PTPN3: variants seen among roughly 807,000 people sequenced by gnomAD.
PTPN3 encodes the protein tyrosine-protein phosphatase non-receptor type 3.
Under a neutral mutation model 132.7 loss-of-function variants are expected in PTPN3, and 96 were observed. The ratio of observed to expected loss-of-function variants is 0.72; its 90% CI spans 0.61 to 0.86. The LOEUF (loss-of-function observed/expected upper bound fraction) is 0.86, where lower values mean the gene tolerates loss of function less well. Among genes scored for constraint, PTPN3 ranks in the 40% least tolerant of loss-of-function variants. PTPN3 has a pLI of 0.00. For missense variants in PTPN3, 1,125 were observed against 1,159.6 expected (o/e 0.97, Z 0.43); for synonymous variants, 398 against 429.0 (o/e 0.93, Z 0.89).
chr9:109,487,084 G>C (rs1030027557), intron 1 of PTPN3, among the ~76,000 whole-genome samples: 2 of 152,182 alleles, frequency 1.3e-5, no homozygotes, highest in African/African-American at 2.4e-5. Flanking sequence ...GAGATGATCA[G>C]GCCGGAGACA....
Position 109,422,822 on chromosome 9 carries a change from C to T in PTPN3, c.1032G>A (p.Val344=). 1 of 1,613,412 alleles carries T rather than the reference C, an allele frequency of 6.2e-7. No homozygotes were observed. The highest frequency in any genetic ancestry group is 8.5e-7 in the Non-Finnish European group (1 of 1,179,360). The change falls in exon 13 of 26, where the codon GTG becomes GTA. Residue 344 remains valine, a synonymous_variant. Transcript: ENST00000374541. ...CTGGGTTCCACACCATCCCGCCAATCACCTTTTTGCAATATTGGTTATTTA... is the reference window on the plus strand; with the variant it reads ...CTGGGTTCCACACCATCCCGCCAATTACCTTTTTGCAATATTGGTTATTTA... ...KSVNNQYCKK[V]IGGMVWNPAM...
the PTPN3 span, among the ~76,000 whole-genome samples, chr9:109,512,730 T>C: frequency 6.6e-6 from 1 of 152,244 alleles, no homozygotes; most frequent in African/African-American, 2.4e-5. Context: ...AGGAGGTACC[T>C]TGTTCCTCCT....
At chr9:109,525,311 G>C in the PTPN3 span, among the ~76,000 whole-genome samples, 3 of 152,318 alleles carry the variant, frequency 2.0e-5, no homozygotes, top group Non-Finnish European at 4.4e-5. Context: ...TCCCACCTCA[G>C]TCTCCCAAAG....
intron 21 of PTPN3, among the ~76,000 whole-genome samples, chr9:109,390,871 T>C (rs571166356): frequency 3.3e-5 from 5 of 152,300 alleles, no homozygotes; most frequent in Non-Finnish European, 7.4e-5. Context: ...CAGGGGCATG[T>C]GGACGATTGA....
At position 109,448,819 on chromosome 9, in the gene PTPN3, G is replaced by A. The variant is rs778608168; in HGVS notation, c.405C>T (p.Cys135=). The A allele has an allele frequency of 5.1e-5, 82 of 1,595,618 alleles. 1 individual carries two copies. Among genetic ancestry groups the A allele is most frequent in the Middle Eastern group, 1.7e-4 (1 of 6,026 alleles). Residue 135 remains cysteine, a synonymous_variant, in exon 6 of 26, where the codon TGC becomes TGT. Coordinates refer to ENST00000374541, the MANE Select transcript of PTPN3 (RefSeq NM_002829.4). The stretch of plus-strand genomic sequence containing the variant: ...TGTAAAATTCTCATTACCTTCCTTC[G>A]CAAATATCCATCTTCAGTTGTAAGA... ...LYFLQLKMDI[C]EGRLTCPLNS...
intron 1 of PTPN3, among the ~76,000 whole-genome samples, chr9:109,491,855 C>T (rs775524107): frequency 3.3e-5 from 5 of 152,128 alleles, no homozygotes; most frequent in African/African-American, 4.8e-5. Context: ...AGAGCATGAA[C>T]ATAGGGCCTG....
chr9:109,518,283 A>G, the PTPN3 span, among the ~76,000 whole-genome samples: 2 of 152,224 alleles, frequency 1.3e-5, no homozygotes, highest in Non-Finnish European at 2.9e-5. Flanking sequence ...GCCAGGCTCT[A>G]TGCCAGGAGC....
intron 21 of PTPN3, among the ~76,000 whole-genome samples, chr9:109,390,079 G>A (rs189905257): frequency 5.5e-4 from 83 of 152,284 alleles, no homozygotes; most frequent in African/African-American, 1.9e-3. Context: ...GCTGGTGCTT[G>A]GATAAATGGC....
chr9:109,390,616 T>TAAAAA (rs1208569040), intron 21 of PTPN3, among the ~76,000 whole-genome samples: 1 of 152,098 alleles, frequency 6.6e-6, no homozygotes, highest in East Asian at 1.9e-4. Context: ...TAAAATAAAA[T>TAAAAA]AAAAAAGAAG....
chr9:109,519,604 G>T, the PTPN3 span, among the ~76,000 whole-genome samples: 2 of 152,102 alleles, frequency 1.3e-5, no homozygotes, highest in Admixed American at 6.5e-5. Context: ...GGTAGCGTTG[G>T]GACTTGAAGC....
intron 1 of PTPN3, among the ~76,000 whole-genome samples, chr9:109,497,916 C>A (rs1356888223): frequency 2.0e-5 from 3 of 149,356 alleles, no homozygotes; most frequent in South Asian, 2.1e-4. Flanking sequence ...CCGCCCCTGC[C>A]CGGCTGGAGC....
At chr9:109,438,801 G>T (rs1421577425) in intron 7 of PTPN3, among the ~76,000 whole-genome samples, 2 of 152,244 alleles carry the variant, frequency 1.3e-5, no homozygotes, top group African/African-American at 4.8e-5. Flanking sequence ...GATGTGCTCA[G>T]AGGCCACAGG....
At position 109,383,541 on chromosome 9, in the gene PTPN3, T is replaced by G; in HGVS notation, c.2264A>C (p.His755Pro). Reference protein sequence around the residue: ...TLTERGRTKCHQYWPDPPDVM... With the variant: ...TLTERGRTKCPQYWPDPPDVM... Reference sequence around the variant, plus strand: ...GTCGGGGGGATCTGGCCAGTACTGGTGACATTTGGTCTGTAAGAAACCACC... The same window carrying G: ...GTCGGGGGGATCTGGCCAGTACTGGGGACATTTGGTCTGTAAGAAACCACC... The change falls in exon 23 of 26, where the codon CAC becomes CCC. Residue 755 changes from histidine (H) to proline (P), a missense_variant. His to Pro is a moderately conservative substitution (Grantham distance 77). Transcript: ENST00000374541. The G allele has an allele frequency of 6.2e-7, 1 of 1,613,822 alleles. No homozygotes were observed. The highest frequency in any genetic ancestry group is 8.5e-7 in the Non-Finnish European group (1 of 1,179,932).
chr9:109,390,167 T>G (rs1219729734), intron 21 of PTPN3, among the ~76,000 whole-genome samples: 1 of 152,232 alleles, frequency 6.6e-6, no homozygotes, highest in African/African-American at 2.4e-5. Flanking sequence ...GCTCTGCTTT[T>G]AAGACACCGG....
chr9:109,390,487 T>C (rs1162034843), intron 21 of PTPN3, among the ~76,000 whole-genome samples: 1 of 152,146 alleles, frequency 6.6e-6, no homozygotes, highest in Non-Finnish European at 1.5e-5. Context: ...CATTAGGAGA[T>C]ATACCTAATG....
chr9:109,494,620 C>T (rs922890471), intron 1 of PTPN3, among the ~76,000 whole-genome samples: 10 of 152,134 alleles, frequency 6.6e-5, no homozygotes, highest in Admixed American at 3.9e-4. Flanking sequence ...GTTAGAACTA[C>T]GCTCCACAGT....
rs953102752 is a variant in PTPN3, at chr9:109,442,389, T to C, written c.466+2851A>G. On this transcript the variant is annotated intron_variant, in intron 7 of 25. Coordinates refer to ENST00000374541, the MANE Select transcript of PTPN3 (RefSeq NM_002829.4). ...AGAAATGTATGCTCTGCAATATATA[T>C]ATTTATTGAGGGTGGAGGGATAAAA... is the stretch of plus-strand genomic sequence containing the variant. Among the ~76,000 whole-genome samples, 4 of 152,162 alleles carry C rather than the reference T, an allele frequency of 2.6e-5. No homozygotes were observed. The South Asian group carries it at 8.3e-4, about 31-fold the overall frequency.
chr9:109,415,708 T>G (rs758988359), intron 14 of PTPN3, among the ~76,000 whole-genome samples: 1 of 151,708 alleles, frequency 6.6e-6, no homozygotes, highest in Non-Finnish European at 1.5e-5. Flanking sequence ...GTCTGGGAGG[T>G]AGAATCAACA....
chr9:109,467,979 A>G (rs1044657373), intron 1 of PTPN3, among the ~76,000 whole-genome samples: 1 of 152,204 alleles, frequency 6.6e-6, no homozygotes, highest in African/African-American at 2.4e-5. Flanking sequence ...ATGGTTCCTA[A>G]AGCAAACCTT....
Sources: allele counts gnomAD v4.1 joint callset (sites outside exome capture counted in the v4.1 genomes callset), GRCh38; gene constraint gnomAD v4.1.1; transcripts MANE v1.5; gene names NCBI Gene and HGNC (gene_info 2026-07-23, HGNC 2026-07-21).